Variants in ZSWIM7 observed in about 807,000 individuals in gnomAD.
ZSWIM7 encodes zinc finger SWIM-type containing 7, also known as zinc finger SWIM domain-containing protein 7.
A neutral mutation model predicts 21.1 loss-of-function variants in ZSWIM7; 22 were observed. That is an observed-to-expected ratio of 1.04 (90% confidence interval 0.74 to 1.49). The LOEUF is 1.49. ZSWIM7 is among the 40% of genes most tolerant of loss of function. The pLI is 0.00. For missense variants in ZSWIM7, 193 were observed against 168.0 expected (o/e 1.15, Z -0.82); for synonymous variants, 67 against 66.5 (o/e 1.01, Z -0.04).
At chr17:15,989,631 G>GT (rs1291735522) in intron 2 of ZSWIM7, among the ~76,000 whole-genome samples, 1 of 151,854 alleles carries the variant, frequency 6.6e-6, no homozygotes. Context: ...TTGTTTGTTT[G>GT]TTTTTTGTTT....
intron 2 of ZSWIM7, among the ~76,000 whole-genome samples, chr17:15,990,490 C>T (rs949976732): frequency 5.3e-5 from 8 of 151,806 alleles, no homozygotes; most frequent in East Asian, 1.9e-4. Flanking sequence ...GGATTACAGG[C>T]GCATCCCACC....
chr17:15,987,342 G>C lies in ZSWIM7; in HGVS notation c.125C>G (p.Ala42Gly). 6.2e-7 allele frequency: 1 copy of C among 1,613,324 alleles called. No homozygotes were observed. The highest frequency in any genetic ancestry group is 8.5e-7 in the Non-Finnish European group (1 of 1,179,666). ...ATCAACTAGGTCCAAGGCCTGGGTG[G>C]CTGATGAGCCAAAGAGAAACTTCAG... ...LSLKFLFGSS[A>G]TQALDLVDRQ... Residue 42 changes from alanine (A) to glycine (G), a missense_variant, in exon 3 of 5, where the codon GCC becomes GGC. Transcript: ENST00000399277.
At chr17:15,995,187 T>C (rs1970534183) in intron 1 of ZSWIM7, among the ~76,000 whole-genome samples, 2 of 152,042 alleles carry the variant, frequency 1.3e-5, no homozygotes, top group Non-Finnish European at 2.9e-5. Context: ...GTAGTTTCAG[T>C]TACTTGGGAA....
rs1324704952 is a variant in ZSWIM7, at chr17:15,998,921, A to AT, written c.76+597dup. ...AGGCGCCCGCCACCACGCCCAGCTA[A>AT]TTTTTTGTATTTTTAGTAGAGACGA... is the stretch of plus-strand genomic sequence containing the variant. On this transcript the variant is annotated intron_variant, in intron 1 of 4. Transcript: ENST00000399277. Among the ~76,000 whole-genome samples the AT allele has an allele frequency of 7.2e-5, 11 of 151,856 alleles. No homozygotes were observed. In the East Asian group the frequency reaches 1.7e-3, roughly 24 times the overall value.
At chr17:15,990,582 G>A (rs1970470052) in intron 2 of ZSWIM7, among the ~76,000 whole-genome samples, 1 of 152,030 alleles carries the variant, frequency 6.6e-6, no homozygotes, top group South Asian at 2.1e-4. Flanking sequence ...AAAATAAAAT[G>A]GCAGGGTTAA....
chr17:15,995,536 A>C (rs927235209), intron 1 of ZSWIM7, among the ~76,000 whole-genome samples: 2 of 150,634 alleles, frequency 1.3e-5, no homozygotes, highest in African/African-American at 4.9e-5. Flanking sequence ...TGCTGGGATT[A>C]CAGGCATGAG....
intron 1 of ZSWIM7, chr17:15,999,285 T>C: frequency 1.6e-6 from 1 of 635,758 alleles, no homozygotes. Flanking sequence ...GAGGGGCTCC[T>C]GCAACTGCGC....
At chr17:15,996,781 G>A (rs1422217872) in intron 1 of ZSWIM7, among the ~76,000 whole-genome samples, 1 of 151,850 alleles carries the variant, frequency 6.6e-6, no homozygotes, top group Non-Finnish European at 1.5e-5. Flanking sequence ...AGCCTGGGAG[G>A]TTGAGGGAGC....
intron 1 of ZSWIM7, among the ~76,000 whole-genome samples, chr17:15,998,091 CTCTG>C (rs1970584582): frequency 6.6e-6 from 1 of 150,452 alleles, no homozygotes; most frequent in Non-Finnish European, 1.5e-5. Context: ...CAGAGCAAGA[CTCTG>C]TCTAAAAAAA....
chr17:15,987,878 G>A (rs1464454513), intron 2 of ZSWIM7, among the ~76,000 whole-genome samples: 2 of 152,046 alleles, frequency 1.3e-5, no homozygotes, highest in Non-Finnish European at 2.9e-5. Context: ...CCAAAGTGCT[G>A]GGATTACAGG....
intron 1 of ZSWIM7, among the ~76,000 whole-genome samples, chr17:15,994,369 C>T (rs763574991): frequency 2.8e-4 from 43 of 152,148 alleles, no homozygotes; most frequent in Non-Finnish European, 4.7e-4. Flanking sequence ...CCTAAGAAAA[C>T]TGAATCCTAG....
intron 1 of ZSWIM7, among the ~76,000 whole-genome samples, chr17:15,998,856 G>A (rs1345412499): frequency 6.6e-6 from 1 of 151,388 alleles, no homozygotes; most frequent in Admixed American, 6.6e-5. Flanking sequence ...CCGGGTTCAA[G>A]CGATTCTCCT....
At chr17:15,981,315 TCC>T (rs1491400612) in intron 3 of ZSWIM7, among the ~76,000 whole-genome samples, 171 bp from the exon 4 acceptor site, 2 of 152,074 alleles carry the variant, frequency 1.3e-5, no homozygotes, top group Non-Finnish European at 2.9e-5. Context: ...GTACAGACTC[TCC>T]CTTCCTCACC....
At position 15,999,618 on chromosome 17, in the gene ZSWIM7, C is replaced by T; in HGVS notation, c.-24G>A. 6.4e-7 allele frequency: 1 copy of T among 1,567,088 alleles called. No homozygotes were observed. ...ATCGCGCCGCAGGACACGCCCTCCACGACCGGCGGACCGCCGCGACGCTCC... is the reference window on the plus strand; with the variant it reads ...ATCGCGCCGCAGGACACGCCCTCCATGACCGGCGGACCGCCGCGACGCTCC... On this transcript the variant is annotated 5_prime_UTR_variant, in exon 1 of 5. In the 5' UTR this introduces an upstream ATG that the reference lacks. Coordinates refer to ENST00000399277, the MANE Select transcript of ZSWIM7 (RefSeq NM_001042697.2).
chr17:15,979,934 G>A lies in ZSWIM7; in HGVS notation c.306+1106C>T, dbSNP rs1391290664. On this transcript the variant is annotated intron_variant, in intron 4 of 4. Transcript: ENST00000399277. ...TGAACCCCCCACCTCCCTCCCGGAC[G>A]GGGCGGCTGGCCGGGCAGAGGGGCT... Among the ~76,000 whole-genome samples, 5 of 108,974 alleles carry A rather than the reference G, an allele frequency of 4.6e-5. 1 individual carries two copies. In the South Asian group the frequency reaches 1.2e-3, roughly 26 times the overall value. 71.5% of individuals were successfully genotyped at this position (108,974 alleles called of 152,430 possible). A position where few individuals can be genotyped will look rare whatever the true frequency, so the allele number is the denominator to read the frequency against.
At chr17:15,989,468 C>T (rs965637389) in intron 2 of ZSWIM7, among the ~76,000 whole-genome samples, 1 of 152,032 alleles carries the variant, frequency 6.6e-6, no homozygotes, top group African/African-American at 2.4e-5. Flanking sequence ...AGGTGCAGGC[C>T]ACCATGCCCA....
At chr17:15,983,477 T>C (rs1025702579) in intron 3 of ZSWIM7, among the ~76,000 whole-genome samples, 3 of 150,386 alleles carry the variant, frequency 2.0e-5, no homozygotes, top group East Asian at 3.9e-4. Context: ...TCAGTATCAA[T>C]GGAGAGATTT....
chr17:15,996,984 C>A (rs2151633073), intron 1 of ZSWIM7, among the ~76,000 whole-genome samples: 1 of 152,084 alleles, frequency 6.6e-6, no homozygotes, highest in East Asian at 1.9e-4. Flanking sequence ...CATAGTGAGA[C>A]CTTGTCTCTA....
At chr17:15,979,830 A>G (rs1237556002) in intron 4 of ZSWIM7, among the ~76,000 whole-genome samples, 1 of 68,526 alleles carries the variant, frequency 1.5e-5, no homozygotes, top group Non-Finnish European at 2.8e-5. Context: ...CGGGGGGCTG[A>G]CCCCCCCACC....
Sources: gnomAD v4.1 joint callset for allele counts (sites outside exome capture counted in the v4.1 genomes callset) on GRCh38, gnomAD v4.1.1 for gene constraint, MANE v1.5 for transcripts, NCBI Gene and HGNC (gene_info 2026-07-23, HGNC 2026-07-21) for gene names.